The following TUFT1 variants were observed in gnomAD, a reference collection of about 807,000 sequenced individuals.
TUFT1 encodes the protein tuftelin.
A neutral mutation model predicts 57.8 loss-of-function variants in TUFT1; 43 were observed. The ratio of observed to expected loss-of-function variants is 0.74; its 90% CI spans 0.58 to 0.96. The LOEUF is 0.96. Ranked by LOEUF, TUFT1 falls within the 40% of genes least tolerant of loss-of-function variation. The pLI, the probability that TUFT1 is intolerant of heterozygous loss-of-function variation, is 0.00. For synonymous variants in TUFT1, 166 were observed against 176.7 expected (o/e 0.94, Z 0.48); for missense variants, 459 against 489.0 (o/e 0.94, Z 0.58).
intron 1 of TUFT1, among the ~76,000 whole-genome samples, chr1:151,546,705 A>C (rs1291045338): frequency 6.6e-6 from 1 of 152,194 alleles, no homozygotes; most frequent in Non-Finnish European, 1.5e-5. Context: ...TCAGTACTTC[A>C]TTCCTTTTTA....
At chr1:151,542,003 A>G (rs908187338) in intron 1 of TUFT1, among the ~76,000 whole-genome samples, 1 of 151,998 alleles carries the variant, frequency 6.6e-6, no homozygotes, top group Non-Finnish European at 1.5e-5. Context: ...CACACCACCT[A>G]TAGCTTCTCT....
intron 6 of TUFT1, 86 bp downstream of exon 6, chr1:151,566,314 C>A: frequency 1.0e-6 from 1 of 969,636 alleles, no homozygotes; most frequent in Non-Finnish European, 1.6e-6. Flanking sequence ...TGCTTTCTCT[C>A]TCTCTCTCTC....
chr1:151,583,361 C>G lies in TUFT1; in HGVS notation c.*1654C>G, dbSNP rs898766547. 6.6e-6 allele frequency: 1 copy of G among 152,190 alleles called. No individual in the cohort carries two copies. Among genetic ancestry groups the G allele is most frequent in the African/African-American group, 2.4e-5 (1 of 41,442 alleles). The allele number at this position is 152,190 out of a possible 1,614,324, so 9.4% of individuals were successfully genotyped here. A position where few individuals can be genotyped will look rare whatever the true frequency, so the allele number is the denominator to read the frequency against. On this transcript the variant is annotated 3_prime_UTR_variant, in exon 13 of 13. Coordinates refer to ENST00000368849, the MANE Select transcript of TUFT1 (RefSeq NM_020127.3). The stretch of plus-strand genomic sequence containing the variant: ...AAGTGTTTAGGCTCTATGTGGCTCA[C>G]GCAGCCAGAATCCTTAAGTCTGTGT...
chr1:151,548,117 A>G (rs886380972), intron 1 of TUFT1, among the ~76,000 whole-genome samples: 7 of 152,170 alleles, frequency 4.6e-5, no homozygotes, highest in Admixed American at 1.3e-4. Flanking sequence ...AGGCAGGACC[A>G]TGTACCTGAG....
intron 7 of TUFT1, among the ~76,000 whole-genome samples, chr1:151,572,050 A>C (rs1412543944): frequency 6.6e-6 from 1 of 152,012 alleles, no homozygotes; most frequent in Non-Finnish European, 1.5e-5. Context: ...AAAATAAAAA[A>C]ATTAGCCTGG....
rs187259859 is a variant in TUFT1, at chr1:151,542,501, G to A, written c.60+2075G>A. 3.4e-4 allele frequency among the ~76,000 whole-genome samples: 52 copies of A among 151,984 alleles called. No individual in the cohort carries two copies. The East Asian group carries it at 9.5e-3, about 28-fold the overall frequency. On this transcript the variant is annotated intron_variant, in intron 1 of 12. Transcript: ENST00000368849. ...CCCACCTTGGCCTCCCAAAGGCTTGGGATTACAGGCATGAGCCACTACATC... is the reference window on the plus strand; with the variant it reads ...CCCACCTTGGCCTCCCAAAGGCTTGAGATTACAGGCATGAGCCACTACATC...
At chr1:151,549,007 C>T (rs1014423269) in intron 1 of TUFT1, among the ~76,000 whole-genome samples, 5 of 152,144 alleles carry the variant, frequency 3.3e-5, no homozygotes, top group Non-Finnish European at 7.3e-5. Context: ...TGTTTACCCC[C>T]TCCCTGCTTT....
intron 9 of TUFT1, among the ~76,000 whole-genome samples, chr1:151,575,676 TAATA>T (rs1450146387): frequency 2.0e-5 from 3 of 152,242 alleles, no homozygotes; most frequent in African/African-American, 7.2e-5. Flanking sequence ...TGTTGGCAAT[TAATA>T]AATAAGACCT....
intron 1 of TUFT1, chr1:151,545,732 G>T: frequency 2.3e-6 from 1 of 438,870 alleles, no homozygotes; most frequent in Non-Finnish European, 4.9e-6. Context: ...GATGATCCAG[G>T]TCCCTCAACC....
chr1:151,557,651 A>T (rs1022689429), intron 1 of TUFT1: 6 of 1,005,652 alleles, frequency 6.0e-6, no homozygotes, highest in Non-Finnish European at 8.0e-6. Context: ...TTCCACTGGT[A>T]CGTTACCAAT....
In TUFT1 at chr1:151,574,989, C is replaced by T; in HGVS notation, c.802C>T (p.Gln268Ter). 1 of 1,565,606 alleles carries T rather than the reference C, an allele frequency of 6.4e-7. No individual in the cohort carries two copies. Among genetic ancestry groups the T allele is most frequent in the Non-Finnish European group, 8.7e-7 (1 of 1,154,606 alleles). ...EELRSNNADC[Q>*]AEREKAATLE... ...ACTTCGGAGCAACAATGCTGACTGC[C>T]AAGCAGAACGAGAAAAGTAAGGGCT... is the stretch of plus-strand genomic sequence containing the variant. Residue 268 changes from glutamine to a stop codon, truncating the protein, a stop_gained, in exon 9 of 13, where the codon CAA becomes TAA. Coordinates refer to ENST00000368849, the MANE Select transcript of TUFT1 (RefSeq NM_020127.3). LOFTEE classifies it high-confidence loss of function.
At chr1:151,562,727 C>G in intron 3 of TUFT1, 41 bp downstream of exon 3, 1 of 1,526,378 alleles carries the variant, frequency 6.6e-7, no homozygotes, top group East Asian at 2.3e-5. Context: ...CTGTCCTCTT[C>G]CTCCCTGCAC....
At chr1:151,546,008 T>C (rs1397458813) in intron 1 of TUFT1, 9 of 285,056 alleles carry the variant, frequency 3.2e-5, no homozygotes, top group Non-Finnish European at 4.5e-5. Flanking sequence ...TTTTTCTTTT[T>C]TTTTTTTTTC....
At chr1:151,579,138 T>C (rs1385294799) in intron 10 of TUFT1, among the ~76,000 whole-genome samples, 3 of 152,206 alleles carry the variant, frequency 2.0e-5, no homozygotes, top group African/African-American at 7.2e-5. Flanking sequence ...CTGTGCAGAT[T>C]ATCAGTCTTT....
At chr1:151,568,666 C>G (rs75274269) in intron 6 of TUFT1, among the ~76,000 whole-genome samples, 1,613 of 152,302 alleles carry the variant, frequency 0.011, 29 homozygotes, top group African/African-American at 0.037. Context: ...TGCTGTGATT[C>G]TAACCACTTG....
In TUFT1 at chr1:151,577,025, C is replaced by T. The variant is rs189577867; in HGVS notation, c.819-1696C>T. Among the ~76,000 whole-genome samples the T allele has an allele frequency of 1.1e-4, 17 of 152,250 alleles. No individual in the cohort carries two copies. The East Asian group carries it at 2.9e-3, about 26-fold the overall frequency. On this transcript the variant is annotated intron_variant, in intron 9 of 12. Transcript: ENST00000368849. ...CTGGGCTCAAGCAATCCTCCCACCT[C>T]GCCTTCCTAAAGTGCTGGGATTATA...
At chr1:151,580,876 C>G in intron 11 of TUFT1, 66 bp from the exon 12 acceptor site, 1 of 1,423,480 alleles carries the variant, frequency 7.0e-7, no homozygotes. Context: ...CCAGAATGCA[C>G]TAGCTGAACG....
intron 1 of TUFT1, among the ~76,000 whole-genome samples, chr1:151,548,720 A>T (rs1178337741): frequency 6.6e-6 from 1 of 152,214 alleles, no homozygotes; most frequent in East Asian, 1.9e-4. Flanking sequence ...AGAGTGGGAT[A>T]CAGGGTGAAG....
chr1:151,574,202 T>C, intron 7 of TUFT1, 68 bp from the exon 8 acceptor site: 3 of 1,556,546 alleles, frequency 1.9e-6, no homozygotes, highest in Non-Finnish European at 2.6e-6. Flanking sequence ...TGGGTTCTTT[T>C]CTAAGGTTTT....
Sources: allele counts gnomAD v4.1 joint callset (sites outside exome capture counted in the v4.1 genomes callset), GRCh38; gene constraint gnomAD v4.1.1; transcripts MANE v1.5; gene names NCBI Gene and HGNC (gene_info 2026-07-23, HGNC 2026-07-21).